CGN: variants seen among roughly 807,000 people sequenced by gnomAD.
CGN encodes the protein cingulin.
Under a neutral mutation model 157.1 loss-of-function variants are expected in CGN, and 121 were observed. The ratio of observed to expected loss-of-function variants is 0.77; its 90% confidence interval spans 0.66 to 0.90. The LOEUF (loss-of-function observed/expected upper bound fraction) is 0.90. Among genes scored for constraint, CGN ranks in the 40% least tolerant of loss-of-function variants. CGN has a pLI of 0.00. For missense variants in CGN, 1,424 were observed against 1,520.9 expected, an observed-to-expected ratio of 0.94 and a Z score of 1.06; for synonymous variants, 535 against 607.5, an observed-to-expected ratio of 0.88 and a Z score of 1.76.
intron 2 of CGN, 28 bp downstream of exon 2, chr1:151,519,420 A>G (rs1664491349): frequency 2.0e-6 from 3 of 1,536,336 alleles, no homozygotes; most frequent in African/African-American, 1.4e-5. Flanking sequence ...CCTGACTTCT[A>G]AATGTCAGCC....
In CGN at chr1:151,530,594, CG is replaced by C; in HGVS notation, c.2424del (p.Leu809TrpfsTer11). The C allele has an allele frequency of 6.2e-7, 1 of 1,610,906 alleles. No individual in the cohort carries two copies. The highest frequency in any genetic ancestry group is 8.5e-7 in the Non-Finnish European group (1 of 1,178,562). ...ALEARLEEAQ[R>X]GLARLGQEQQ... ...GGAGGCACGCCTAGAGGAGGCTCAG[CG>C]GGGGCTGGCCCGCCTGGGGCAGGAG... On this transcript the variant is annotated frameshift_variant, in exon 13 of 21. Coordinates refer to ENST00000271636, the MANE Select transcript of CGN (RefSeq NM_020770.3). LOFTEE classifies it high-confidence loss of function.
chr1:151,513,435 TCTAA>T (rs1447307836), intron 1 of CGN, among the ~76,000 whole-genome samples: 1 of 152,158 alleles, frequency 6.6e-6, no homozygotes, highest in African/African-American at 2.4e-5. Flanking sequence ...CCTTCTTATC[TCTAA>T]CTATGAGAAA....
Position 151,537,379 on chromosome 1 carries a change from C to A in CGN, c.*33C>A. The A allele has an allele frequency of 6.3e-7, 1 of 1,599,902 alleles. No individual in the cohort carries two copies. The highest frequency in any genetic ancestry group is 8.5e-7 in the Non-Finnish European group (1 of 1,171,286). On this transcript the variant is annotated 3_prime_UTR_variant, in exon 21 of 21. Transcript: ENST00000271636. ...TCCTCAAGGACTCAGAAACCAGGCTCGAGGCCTATCCCAGCAAGTGCTGCT... is the reference window on the plus strand; with the variant it reads ...TCCTCAAGGACTCAGAAACCAGGCTAGAGGCCTATCCCAGCAAGTGCTGCT...
intron 13 of CGN, among the ~76,000 whole-genome samples, chr1:151,531,621 C>A (rs1485355761): frequency 6.6e-6 from 1 of 151,128 alleles, no homozygotes; most frequent in Non-Finnish European, 1.5e-5. Flanking sequence ...CCCCACTGCG[C>A]TACAGCAAGA....
intron 9 of CGN, 150 bp from the exon 10 acceptor site, chr1:151,526,823 GCT>G: frequency 1.3e-6 from 1 of 782,668 alleles, no homozygotes; most frequent in Non-Finnish European, 2.0e-6. Context: ...TTCTCAAACT[GCT>G]CTTTTCCACG....
chr1:151,518,938 C>T lies in CGN; in HGVS notation c.419C>T (p.Ser140Leu), dbSNP rs1242848057. ...CTACTCCGTTCCCACTCCCAGGCCT[C>T]ACTGGCAGGCCCTGGCCCAGTGGAT... is the stretch of plus-strand genomic sequence containing the variant. ...GKLLRSHSQASLAGPGPVDPS... is the reference protein window; with the variant it reads ...GKLLRSHSQALLAGPGPVDPS... The change falls in exon 2 of 21, where the codon TCA (serine) becomes TTA (leucine). Residue 140 changes from serine to leucine, a missense_variant. Ser to Leu is a moderately radical substitution (Grantham distance 145). Coordinates refer to ENST00000271636, the MANE Select transcript of CGN (RefSeq NM_020770.3). 3.1e-6 allele frequency: 5 copies of T among 1,614,072 alleles called. No individual in the cohort carries two copies. In the African/African-American group the frequency reaches 5.3e-5, roughly 17 times the overall value.
chr1:151,535,078 GAGA>G lies in CGN; in HGVS notation c.2946_2948del (p.Lys982del). 6.2e-7 allele frequency: 1 copy of G among 1,614,128 alleles called. No individual in the cohort carries two copies. The highest frequency in any genetic ancestry group is 8.5e-7 in the Non-Finnish European group (1 of 1,180,008). ...ACGGCTGGAAACAGAGTTAGATGAGGAGAAGAACACCGTGGAGCTGCTAACAGA... is the reference window on the plus strand; with the variant it reads ...ACGGCTGGAAACAGAGTTAGATGAGGAGAACACCGTGGAGCTGCTAACAGA... On this transcript the variant is annotated inframe_deletion, in exon 16 of 21. Transcript: ENST00000271636.
chr1:151,515,997 TC>T (rs1353472638), intron 1 of CGN, among the ~76,000 whole-genome samples: 26 of 152,212 alleles, frequency 1.7e-4, no homozygotes, highest in Admixed American at 1.7e-3. Flanking sequence ...TCTCATGGAG[TC>T]CCAGGGCCAA....
At chr1:151,520,139 T>C (rs747176969) in intron 2 of CGN, 27 bp from the exon 3 acceptor site, 22 of 1,544,884 alleles carry the variant, frequency 1.4e-5, no homozygotes, top group Non-Finnish European at 1.8e-5. Context: ...TCTTTCTTTT[T>C]TTTTTCTTTT....
In CGN at chr1:151,537,980, T is replaced by C. The variant is rs1665007349; in HGVS notation, c.*634T>C. 6.5e-6 allele frequency: 1 copy of C among 152,722 alleles called. No homozygotes were observed. The highest frequency in any genetic ancestry group is 2.4e-5 in the African/African-American group (1 of 41,466). The allele number at this position is 152,722 out of a possible 1,614,324, so 9.5% of individuals were successfully genotyped here. ...CCAAGGCAAGGAGATAAGGATGCTCTTCTTGCTTTTTATATCTGCACATTC... is the reference window on the plus strand; with the variant it reads ...CCAAGGCAAGGAGATAAGGATGCTCCTCTTGCTTTTTATATCTGCACATTC... On this transcript the variant is annotated 3_prime_UTR_variant, in exon 21 of 21. Coordinates refer to ENST00000271636, the MANE Select transcript of CGN (RefSeq NM_020770.3).
chr1:151,535,643 G>A lies in CGN; in HGVS notation c.3038G>A (p.Arg1013Gln), dbSNP rs764835379. The A allele has an allele frequency of 1.4e-5, 23 of 1,613,992 alleles. No individual in the cohort carries two copies. Among genetic ancestry groups the A allele is most frequent in the South Asian group, 2.2e-5 (2 of 91,086 alleles). The change falls in exon 17 of 21, where the codon CGG (arginine) becomes CAG (glutamine). Residue 1013 changes from arginine (R) to glutamine (Q), a missense_variant. Arg to Gln is a conservative substitution (Grantham distance 43). Coordinates refer to ENST00000271636, the MANE Select transcript of CGN (RefSeq NM_020770.3). ...RTELMQERSARQDLECDKISL... is the reference protein window; with the variant it reads ...RTELMQERSAQQDLECDKISL... ...GAGCTCATGCAGGAAAGGTCTGCTCGGCAGGACCTGGAGTGTGACAAAATC... is the reference window on the plus strand; with the variant it reads ...GAGCTCATGCAGGAAAGGTCTGCTCAGCAGGACCTGGAGTGTGACAAAATC...
At chr1:151,533,621 C>T (rs549206797) in intron 14 of CGN, among the ~76,000 whole-genome samples, 22 of 148,926 alleles carry the variant, frequency 1.5e-4, no homozygotes, top group African/African-American at 4.7e-4. Context: ...GGTGAAACCC[C>T]GTCTCTACTA....
intron 19 of CGN, 78 bp downstream of exon 19, chr1:151,536,423 C>T (rs779917697): frequency 6.1e-6 from 5 of 820,732 alleles, no homozygotes; most frequent in Non-Finnish European, 1.1e-5. Flanking sequence ...CAAGGGAGGC[C>T]CTTATCTCCT....
Position 151,524,290 on chromosome 1 carries a change from G to A in CGN, c.1333G>A (p.Val445Met). ...TTTACGACATGGGCTGGAGACCCAG[G>A]TGATGGAGCTGCAGAACAAGCTGAA... ...EDLRHGLETQ[V>M]MELQNKLKHV... Residue 445 changes from valine (V) to methionine (M), a missense_variant, in exon 7 of 21, where the codon GTG (valine) becomes ATG (methionine). Val to Met is a conservative substitution (Grantham distance 21, BLOSUM62 1). This residue lies in a region of CGN where 1,187 missense variants were observed against 1,217.6 expected (regional missense o/e 0.97). Transcript: ENST00000271636. This position sits in a 1 kb window ranked among gnomAD's most constrained non-coding sequence, Gnocchi z 4.4. 6.2e-7 allele frequency: 1 copy of A among 1,614,212 alleles called. No homozygotes were observed. Among genetic ancestry groups the A allele is most frequent in the Middle Eastern group, 1.6e-4 (1 of 6,062 alleles).
At chr1:151,513,374 C>A (rs1350229201) in intron 1 of CGN, among the ~76,000 whole-genome samples, 1 of 152,176 alleles carries the variant, frequency 6.6e-6, no homozygotes, top group Non-Finnish European at 1.5e-5. Context: ...GCTCTTTCAG[C>A]GGACCTGGGC....
In CGN at chr1:151,529,385, G is replaced by T; in HGVS notation, c.1932G>T (p.Leu644=). The T allele has an allele frequency of 6.2e-7, 1 of 1,613,870 alleles. No individual in the cohort carries two copies. The highest frequency in any genetic ancestry group is 8.5e-7 in the Non-Finnish European group (1 of 1,179,884). The change falls in exon 11 of 21, where the codon CTG becomes CTT. Residue 644 remains leucine (L), a synonymous_variant. Transcript: ENST00000271636. ...GGACACAGGAGGAGCTTAAGGAACT[G>T]CAGGCAGAACGGCAGAGCCAGGAGG... is the stretch of plus-strand genomic sequence containing the variant. ...LLRTQEELKE[L]QAERQSQEVA...
intron 14 of CGN, 40 bp downstream of exon 14, chr1:151,532,612 C>CAAA: frequency 3.7e-6 from 2 of 536,788 alleles, no homozygotes; most frequent in Non-Finnish European, 5.0e-6. Context: ...GTCCTTGCCT[C>CAAA]TTTTTTTTTT....
chr1:151,525,959 G>A (rs2102495059), intron 9 of CGN, among the ~76,000 whole-genome samples, 169 bp downstream of exon 9: 1 of 151,912 alleles, frequency 6.6e-6, no homozygotes, highest in African/African-American at 2.4e-5. Context: ...TGCAACCTCT[G>A]CCTCCTGAGT....
In CGN at chr1:151,530,600, C is replaced by T; in HGVS notation, c.2425C>T (p.Leu809=). The part of the protein sequence containing the change: ...EARLEEAQRG[L]ARLGQEQQTL... ...ACGCCTAGAGGAGGCTCAGCGGGGG[C>T]TGGCCCGCCTGGGGCAGGAGCAGCA... Residue 809 remains leucine, a synonymous_variant, in exon 13 of 21, where the codon CTG becomes TTG. Transcript: ENST00000271636. The T allele has an allele frequency of 1.2e-6, 2 of 1,611,040 alleles. No individual in the cohort carries two copies. The highest frequency in any genetic ancestry group is 1.7e-6 in the Non-Finnish European group (2 of 1,178,600).
Sources: gnomAD v4.1 joint callset for allele counts (sites outside exome capture counted in the v4.1 genomes callset) on GRCh38, gnomAD v4.1.1 for gene constraint, gnomAD v4.1.1 regional missense constraint, Gnocchi (gnomAD v3.1) non-coding constraint, MANE v1.5 for transcripts, NCBI Gene and HGNC (gene_info 2026-07-23, HGNC 2026-07-21) for gene names.